Variants in N4BP2L1 observed in about 807,000 individuals in gnomAD.
N4BP2L1 encodes NEDD4-binding protein 2-like 1.
Under a neutral mutation model 21.2 loss-of-function variants are expected in N4BP2L1, and 12 were observed. That is an observed-to-expected ratio of 0.57 (90% CI 0.36 to 0.92). The LOEUF is 0.92. Among genes scored for constraint, N4BP2L1 ranks in the 40% least tolerant of loss-of-function variants. The probability of loss-of-function intolerance (pLI) is 0.01; values close to 1 mark genes in which losing one functional copy is unlikely to be tolerated. For synonymous variants in N4BP2L1, 104 were observed against 112.8 expected, an observed-to-expected ratio of 0.92 and a Z score of 0.49; for missense variants, 259 against 310.6, an observed-to-expected ratio of 0.83 and a Z score of 1.25.
chr13:32,418,980 A>G (rs754707319), intron 1 of N4BP2L1, among the ~76,000 whole-genome samples: 16 of 152,058 alleles, frequency 1.1e-4, no homozygotes, highest in Admixed American at 3.9e-4. Context: ...CTCAGATGAG[A>G]CTTTGGACTT....
intron 4 of N4BP2L1, chr13:32,403,883 TCAA>T (rs1566280069): frequency 2.2e-6 from 1 of 464,584 alleles, no homozygotes; most frequent in South Asian, 2.0e-5. Flanking sequence ...ATGCATTCAA[TCAA>T]CAAGTTAGTA....
chr13:32,412,355 G>A (rs1034383505), intron 1 of N4BP2L1, among the ~76,000 whole-genome samples: 8 of 148,274 alleles, frequency 5.4e-5, no homozygotes, highest in South Asian at 4.2e-4. Flanking sequence ...GGCCGGGCGC[G>A]GTGGCTCACA....
chr13:32,422,925 G>A (rs775025825), intron 1 of N4BP2L1, among the ~76,000 whole-genome samples: 3 of 152,196 alleles, frequency 2.0e-5, no homozygotes, highest in Non-Finnish European at 4.4e-5. Flanking sequence ...TATATTCACA[G>A]AGTTGGAATG....
intron 1 of N4BP2L1, chr13:32,415,994 G>T (rs1319619295): frequency 3.9e-5 from 6 of 152,142 alleles, no homozygotes; most frequent in African/African-American, 1.4e-4. Flanking sequence ...CAGGATCTTT[G>T]TTTTGTTCAC....
chr13:32,423,917 T>C (rs1177548877), intron 1 of N4BP2L1, among the ~76,000 whole-genome samples: 1 of 152,200 alleles, frequency 6.6e-6, no homozygotes, highest in African/African-American at 2.4e-5. Context: ...GGATTGTATA[T>C]AAAAATGGTT....
rs1322440422 is a variant in N4BP2L1 at position 32,427,894 on chromosome 13, C to A, written c.179+10G>T. The A allele has an allele frequency of 4.1e-6, 6 of 1,470,392 alleles. No homozygotes were observed. Among genetic ancestry groups the A allele is most frequent in the Admixed American group, 2.6e-5 (1 of 38,030 alleles). The allele number at this position is 1,470,392 out of a possible 1,614,324, so 91.1% of individuals were successfully genotyped here. Reference sequence around the variant, plus strand: ...GGCCCGTGCACCGGCGCCCAGACCGCTGTCATTACCTGGCCAGTGTAGTTT... The same window carrying A: ...GGCCCGTGCACCGGCGCCCAGACCGATGTCATTACCTGGCCAGTGTAGTTT... On this transcript the variant is annotated intron_variant, in intron 1 of 4. Coordinates refer to ENST00000380130, the MANE Select transcript of N4BP2L1 (RefSeq NM_052818.3).
intron 1 of N4BP2L1, among the ~76,000 whole-genome samples, chr13:32,427,170 GAA>G (rs2074816717): frequency 6.6e-6 from 1 of 152,256 alleles, no homozygotes; most frequent in East Asian, 1.9e-4. Context: ...GCAAGTGAAC[GAA>G]TTTGGGCGCC....
intron 1 of N4BP2L1, among the ~76,000 whole-genome samples, chr13:32,408,081 G>C (rs143997674): frequency 6.6e-6 from 1 of 152,260 alleles, no homozygotes; most frequent in African/African-American, 2.4e-5. Flanking sequence ...AAGCTAAGTC[G>C]CAGGCCTGGT....
intron 1 of N4BP2L1, among the ~76,000 whole-genome samples, chr13:32,409,487 T>A (rs958086438): frequency 1.3e-5 from 2 of 152,158 alleles, no homozygotes; most frequent in African/African-American, 4.8e-5. Context: ...AGAATATTAG[T>A]TAATTATCCA....
rs115617959 is a variant in N4BP2L1, at chr13:32,419,568, G to A, written c.179+8336C>T. The stretch of plus-strand genomic sequence containing the variant: ...ATTACAGGCATAAGCCACTGCGCCC[G>A]GCTGATCTGATGGTTTCATAAGGCT... On this transcript the variant is annotated intron_variant, in intron 1 of 4. Coordinates refer to ENST00000380130, the MANE Select transcript of N4BP2L1 (RefSeq NM_052818.3). The A allele has an allele frequency of 2.9e-3, 758 of 260,300 alleles. 7 individuals carry two copies. Among genetic ancestry groups the A allele is most frequent in the African/African-American group, 0.017 (707 of 42,630 alleles). The allele number at this position is 260,300 out of a possible 1,614,324, so 16.1% of individuals were successfully genotyped here. A position where few individuals can be genotyped will look rare whatever the true frequency, so the allele number is the denominator to read the frequency against.
At chr13:32,422,173 T>C (rs887234652) in intron 1 of N4BP2L1, among the ~76,000 whole-genome samples, 6 of 134,904 alleles carry the variant, frequency 4.4e-5, no homozygotes, top group African/African-American at 1.5e-4. Flanking sequence ...TTTTATATTA[T>C]GAGAAACATT....
intron 3 of N4BP2L1, chr13:32,406,938 G>A (rs918138758): frequency 2.7e-6 from 1 of 365,758 alleles, no homozygotes; most frequent in Non-Finnish European, 5.2e-6. Context: ...TGAACATTTC[G>A]GTGGGTGCTT....
Position 32,402,586 on chromosome 13 carries a change from T to C in N4BP2L1, c.*356A>G. The C allele has an allele frequency of 1.0e-6, 1 of 1,001,258 alleles. No homozygotes were observed. 62.0% of individuals were successfully genotyped at this position (1,001,258 alleles called of 1,614,324 possible). A position where few individuals can be genotyped will look rare whatever the true frequency, so the allele number is the denominator to read the frequency against. On this transcript the variant is annotated 3_prime_UTR_variant, in exon 5 of 5. Coordinates refer to ENST00000380130, the MANE Select transcript of N4BP2L1 (RefSeq NM_052818.3). ...GAGATGAATTTCCTGAAAAAATAAA[T>C]AGATCACTTCAGAGCAAATGGTACT...
In N4BP2L1 at chr13:32,407,230, A is replaced by C; in HGVS notation, c.396+20T>G. On this transcript the variant is annotated intron_variant, in intron 3 of 4. Transcript: ENST00000380130. ...ACAAAATGTCCATAACTGAAAATTCAGAATGATACTTCTTCCTACCATGAC... is the reference window on the plus strand; with the variant it reads ...ACAAAATGTCCATAACTGAAAATTCCGAATGATACTTCTTCCTACCATGAC... 6.2e-7 allele frequency: 1 copy of C among 1,610,386 alleles called. No individual in the cohort carries two copies. The highest frequency in any genetic ancestry group is 2.2e-5 in the East Asian group (1 of 44,852).
At chr13:32,403,813 C>G in intron 4 of N4BP2L1, 1 of 504,758 alleles carries the variant, frequency 2.0e-6, no homozygotes, top group South Asian at 1.5e-5. Flanking sequence ...ATTCTTACCT[C>G]ACTGGCTATT....
intron 4 of N4BP2L1, chr13:32,403,513 T>C (rs758872858): frequency 3.3e-5 from 14 of 423,690 alleles, no homozygotes; most frequent in Non-Finnish European, 5.3e-5. Context: ...AAATCATACA[T>C]TTGCCTGTTA....
At chr13:32,416,741 A>G (rs206322) in intron 1 of N4BP2L1, 31,967 of 152,058 alleles carry the variant, frequency 0.21, 3,647 homozygotes, top group South Asian at 0.39. Context: ...TGCTCAGTAA[A>G]TATCTGTGAA....
At chr13:32,428,207 G>T, upstream of N4BP2L1, 2 of 1,000,800 alleles carry the variant, frequency 2.0e-6, no homozygotes, top group Non-Finnish European at 2.7e-6. Context: ...TGGGAGCCCA[G>T]CCCCTCCTTT....
At chr13:32,409,325 AC>A (rs1459874342) in intron 1 of N4BP2L1, among the ~76,000 whole-genome samples, 3 of 152,220 alleles carry the variant, frequency 2.0e-5, no homozygotes, top group Admixed American at 6.5e-5. Context: ...GAAATTCCAA[AC>A]CAAATGCATT....
Sources: gnomAD v4.1 joint callset for allele counts (sites outside exome capture counted in the v4.1 genomes callset) on GRCh38, gnomAD v4.1.1 for gene constraint, MANE v1.5 for transcripts, NCBI Gene and HGNC (gene_info 2026-07-23, HGNC 2026-07-21) for gene names.